Variants in MED12 observed in about 807,000 individuals in gnomAD.
MED12 encodes mediator complex subunit 12, also known as mediator of RNA polymerase II transcription subunit 12.
In MED12, 10 loss-of-function variants were observed where a neutral mutation model predicts 177.7. That is an observed-to-expected ratio of 0.06 (90% CI 0.03 to 0.10). The LOEUF (loss-of-function observed/expected upper bound fraction) is 0.10, where lower values mean the gene tolerates loss of function less well. Ranked by LOEUF, MED12 falls within the 10% of genes least tolerant of loss-of-function variation. The pLI, the probability that MED12 is intolerant of heterozygous loss-of-function variation, is 1.00. For missense variants in MED12, 867 were observed against 1,780.8 expected (o/e 0.49, Z 9.23); for synonymous variants, 641 against 678.4 (o/e 0.94, Z 0.86).
chrX:71,141,897 G>T lies in MED12; in HGVS notation c.6423G>T (p.Gly2141=). Residue 2141 remains glycine, a synonymous_variant, in exon 44 of 45, where the codon GGG becomes GGT. Coordinates refer to ENST00000374080, the MANE Select transcript of MED12 (RefSeq NM_005120.3). ...PQSQPQFQRQ[G]LQQTQQQQQT... is the part of the protein sequence containing the mutation. ...TTTCCACCCAGTTCCAGCGCCAGGG[G>T]CTTCAGCAGACCCAGCAGCAGCAAC... 3.3e-6 allele frequency: 4 copies of T among 1,211,275 alleles called. No individual in the cohort carries two copies. Among genetic ancestry groups the T allele is most frequent in the Non-Finnish European group, 4.5e-6 (4 of 895,157 alleles).
At chrX:71,125,930 T>TCTCC in intron 17 of MED12, 106 bp from the exon 18 acceptor site, 1 of 335,013 alleles carries the variant, frequency 3.0e-6, no homozygotes. Context: ...TCCTTCCATC[T>TCTCC]CTCCCTCCCT....
chrX:71,134,424 T>A lies in MED12; in HGVS notation c.4685T>A (p.Leu1562Gln), dbSNP rs2092327068. 8.6e-7 allele frequency: 1 copy of A among 1,167,826 alleles called. No homozygotes were observed. The highest frequency in any genetic ancestry group is 1.8e-5 in the African/African-American group (1 of 56,122). ...QQTTEWAMLL[L>Q]EIIISGTVDM... Reference sequence around the variant, plus strand: ...ACCACGGAGTGGGCCATGCTCCTCCTGGAGATCATCATCAGCGGCACTGTC... The same window carrying A: ...ACCACGGAGTGGGCCATGCTCCTCCAGGAGATCATCATCAGCGGCACTGTC... Residue 1562 changes from leucine (L) to glutamine (Q), a missense_variant, in exon 34 of 45, where the codon CTG (leucine) becomes CAG (glutamine). Around this residue, in one of 14 missense-constraint regions of MED12, gnomAD observed 34 missense variants for 58.9 expected, o/e 0.58. Coordinates refer to ENST00000374080, the MANE Select transcript of MED12 (RefSeq NM_005120.3).
chrX:71,137,963 G>T lies in MED12; in HGVS notation c.6044+20G>T, dbSNP rs1022385883. ...TCAAAGGTACCCAAAGTAGTGGTGA[G>T]CTAGGAAGAGATGCAGAGGTATAAG... On this transcript the variant is annotated intron_variant, in intron 41 of 44. Coordinates refer to ENST00000374080, the MANE Select transcript of MED12 (RefSeq NM_005120.3). The T allele has an allele frequency of 1.1e-5, 13 of 1,190,813 alleles. No homozygotes were observed. In the Admixed American group the frequency reaches 1.7e-4, roughly 16 times the overall value.
Position 71,118,725 on chromosome X carries a change from T to G in MED12, c.-30T>G. ...GTTCCCCCAGTCAGCCTGGCCCTGCTGGTGCCTCCGGCGCTACGGGCTGGG... is the reference window on the plus strand; with the variant it reads ...GTTCCCCCAGTCAGCCTGGCCCTGCGGGTGCCTCCGGCGCTACGGGCTGGG... On this transcript the variant is annotated 5_prime_UTR_variant, in exon 1 of 45. Coordinates refer to ENST00000374080, the MANE Select transcript of MED12 (RefSeq NM_005120.3). The G allele has an allele frequency of 1.7e-6, 2 of 1,187,923 alleles. No individual in the cohort carries two copies. Among genetic ancestry groups the G allele is most frequent in the Non-Finnish European group, 2.3e-6 (2 of 879,203 alleles).
In MED12 at chrX:71,137,849, C is replaced by T; in HGVS notation, c.5950C>T (p.Leu1984Phe). The part of the protein sequence containing the change: ...QSTHPSTNPT[L>F]VDPTRHLQQR... ...CACCCACCCTTCTACCAATCCTACT[C>T]TTGTAGATCCTACCCGCCACCTGCA... Residue 1984 changes from leucine (L) to phenylalanine (F), a missense_variant, in exon 41 of 45, where the codon CTT (leucine) becomes TTT (phenylalanine). Leu to Phe is a conservative substitution (Grantham distance 22). Transcript: ENST00000374080. 8.3e-7 allele frequency: 1 copy of T among 1,211,739 alleles called. No individual in the cohort carries two copies. Among genetic ancestry groups the T allele is most frequent in the Non-Finnish European group, 1.1e-6 (1 of 895,474 alleles).
intron 28 of MED12, 81 bp from the exon 29 acceptor site, chrX:71,131,469 G>GA: frequency 1.1e-6 from 1 of 939,305 alleles, no homozygotes; most frequent in South Asian, 2.0e-5. Context: ...TGTTGCAGGA[G>GA]ATCAGGAATT....
At position 71,136,379 on chromosome X, in the gene MED12, C is replaced by A. The variant is rs775912778; in HGVS notation, c.5124C>A (p.Val1708=). The change falls in exon 37 of 45, where the codon GTC becomes GTA. Residue 1708 remains valine, a synonymous_variant. Transcript: ENST00000374080. The stretch of plus-strand genomic sequence containing the variant: ...TCTCTTGGGGCTGGTTTGGAACAGT[C>A]CGAGTGGACCGGCGAGTGGCTCGAG... ...APLSWGWFGT[V]RVDRRVARGE... 1.2e-5 allele frequency: 15 copies of A among 1,211,316 alleles called. No individual in the cohort carries two copies. Among genetic ancestry groups the A allele is most frequent in the Non-Finnish European group, 1.7e-5 (15 of 895,430 alleles).
intron 39 of MED12, 28 bp downstream of exon 39, chrX:71,137,411 AG>A (rs746981312): frequency 1.7e-6 from 2 of 1,199,931 alleles, no homozygotes; most frequent in Non-Finnish European, 2.3e-6. Flanking sequence ...GGCAGTAGGG[AG>A]GGCTGTCAGG....
intron 26 of MED12, 51 bp downstream of exon 26, chrX:71,129,480 C>T (rs2147806506): frequency 2.0e-6 from 2 of 989,591 alleles, no homozygotes; most frequent in Non-Finnish European, 1.4e-6. Flanking sequence ...GGGTGGAGTG[C>T]CAGCTAAACT....
In MED12 at chrX:71,136,853, ACCCTCT is replaced by A; in HGVS notation, c.5401-25_5401-20del. On this transcript the variant is annotated intron_variant, in intron 37 of 44. Transcript: ENST00000374080. The stretch of plus-strand genomic sequence containing the variant: ...GACCCCATTCAGCTACAACCCACTC[ACCCTCT>A]TCCTCTGCCACTCACACAGGACTAT... 8.3e-7 allele frequency: 1 copy of A among 1,209,527 alleles called. No homozygotes were observed. The highest frequency in any genetic ancestry group is 1.1e-6 in the Non-Finnish European group (1 of 894,887).
At chrX:71,138,154 C>A (rs1378896814) in intron 41 of MED12, among the ~76,000 whole-genome samples, 2 of 111,004 alleles carry the variant, frequency 1.8e-5, no homozygotes, top group Non-Finnish European at 3.8e-5. Flanking sequence ...CTTAACAGTT[C>A]TTTGAGGCCC....
chrX:71,134,522 C>T, intron 34 of MED12, 56 bp downstream of exon 34: 1 of 933,264 alleles, frequency 1.1e-6, no homozygotes, highest in Non-Finnish European at 1.5e-6. Context: ...TCCCCCTACT[C>T]CCATGCCAGG....
chrX:71,127,319 C>G lies in MED12; in HGVS notation c.2850-17C>G. ...CATACCATCTGCTGACCCTCCCAACCTTGCTTCTTCATGCAGGCTGTGTGG... is the reference window on the plus strand; with the variant it reads ...CATACCATCTGCTGACCCTCCCAACGTTGCTTCTTCATGCAGGCTGTGTGG... On this transcript the variant is annotated splice_polypyrimidine_tract_variant and intron_variant, in intron 20 of 44. Transcript: ENST00000374080. The G allele has an allele frequency of 4.1e-6, 5 of 1,211,006 alleles. No homozygotes were observed. Among genetic ancestry groups the G allele is most frequent in the Non-Finnish European group, 5.6e-6 (5 of 895,120 alleles).
At chrX:71,138,149 C>T (rs2092337290) in intron 41 of MED12, among the ~76,000 whole-genome samples, 1 of 111,075 alleles carries the variant, frequency 9.0e-6, no homozygotes, top group Non-Finnish European at 1.9e-5. Context: ...ACTTCCTTAA[C>T]AGTTCTTTGA....
chrX:71,141,087 C>G, intron 42 of MED12, 143 bp from the exon 43 acceptor site: 1 of 1,098,907 alleles, frequency 9.1e-7, no homozygotes, highest in Admixed American at 2.6e-5. Context: ...GATTTGGTTT[C>G]TTTCTGTGCA....
intron 28 of MED12, among the ~76,000 whole-genome samples, 194 bp downstream of exon 28, chrX:71,130,408 G>T (rs2092313970): frequency 8.9e-6 from 1 of 112,859 alleles, no homozygotes; most frequent in African/African-American, 3.2e-5. Flanking sequence ...CTAGACTCCA[G>T]TGTAAGAGTA....
At chrX:71,132,329 G>T in intron 30 of MED12, 48 bp from the exon 31 acceptor site, 2 of 1,199,167 alleles carry the variant, frequency 1.7e-6, no homozygotes, top group Non-Finnish European at 2.3e-6. Flanking sequence ...GATTGTTCCA[G>T]CCTTGCCTGG....
intron 42 of MED12, 21 bp downstream of exon 42, chrX:71,140,878 C>G: frequency 1.7e-6 from 2 of 1,201,440 alleles, no homozygotes; most frequent in Non-Finnish European, 2.2e-6. Context: ...GGGATTTCAT[C>G]TGGGACCTGG....
At chrX:71,127,804 C>CTTTTTTTTTT in intron 21 of MED12, 89 bp from the exon 22 acceptor site, 1 of 680,538 alleles carries the variant, frequency 1.5e-6, no homozygotes, top group Non-Finnish European at 2.3e-6. Flanking sequence ...TCACTTTCTC[C>CTTTTTTTTTT]TTTTTTTCTT....
Sources: allele counts gnomAD v4.1 joint callset (sites outside exome capture counted in the v4.1 genomes callset), GRCh38; gene constraint gnomAD v4.1.1; regional missense constraint gnomAD v4.1.1; transcripts MANE v1.5; gene names NCBI Gene and HGNC (gene_info 2026-07-23, HGNC 2026-07-21).